Variants in TSPEAR observed in about 807,000 individuals in gnomAD.
TSPEAR encodes the protein thrombospondin-type laminin G domain and EAR repeat-containing protein.
A neutral mutation model predicts 71.6 loss-of-function variants in TSPEAR; 69 were observed. That is an observed-to-expected ratio of 0.96 (90% CI 0.79 to 1.18). The LOEUF (loss-of-function observed/expected upper bound fraction) is 1.18. Ranked by LOEUF, TSPEAR falls within the 50% of genes most tolerant of loss-of-function variation. The pLI, the probability that TSPEAR is intolerant of heterozygous loss-of-function variation, is 0.00. For missense variants in TSPEAR, 971 were observed against 894.9 expected, an observed-to-expected ratio of 1.09 and a Z score of -1.09; for synonymous variants, 402 against 387.2, an observed-to-expected ratio of 1.04 and a Z score of -0.45.
At chr21:44,565,895 TACA>T (rs1235718112) in intron 2 of TSPEAR, among the ~76,000 whole-genome samples, 8 of 152,342 alleles carry the variant, frequency 5.3e-5, no homozygotes, top group Non-Finnish European at 1.0e-4. Flanking sequence ...GGTTGCAGGA[TACA>T]ACGTCAACAC....
Position 44,627,194 on chromosome 21 carries a change from T to G in TSPEAR, c.83-59189A>C. The G allele has an allele frequency of 1.2e-6, 2 of 1,612,800 alleles. No individual in the cohort carries two copies. Among genetic ancestry groups the G allele is most frequent in the Non-Finnish European group, 1.7e-6 (2 of 1,179,910 alleles). ...AGCATGGCCGCGTCCACCATGTCCATCCGCTCCAGCGCTTACTCCGACTCC... is the reference window on the plus strand; with the variant it reads ...AGCATGGCCGCGTCCACCATGTCCAGCCGCTCCAGCGCTTACTCCGACTCC... On this transcript the variant is annotated intron_variant, in intron 1 of 11. Coordinates refer to ENST00000323084, the MANE Select transcript of TSPEAR (RefSeq NM_144991.3).
chr21:44,527,151 T>TCA, intron 7 of TSPEAR, 141 bp downstream of exon 7: 1 of 778,752 alleles, frequency 1.3e-6, no homozygotes, highest in Non-Finnish European at 2.1e-6. Context: ...CGTGTGCGAC[T>TCA]CTGTCAGCCT....
intron 1 of TSPEAR, among the ~76,000 whole-genome samples, chr21:44,653,302 T>C (rs1363234552): frequency 6.6e-6 from 1 of 152,172 alleles, no homozygotes; most frequent in Non-Finnish European, 1.5e-5. Flanking sequence ...TTGATGCAGC[T>C]TCTGAGCCAG....
At chr21:44,699,398 A>G (rs1312741949) in intron 1 of TSPEAR, among the ~76,000 whole-genome samples, 2 of 147,096 alleles carry the variant, frequency 1.4e-5, no homozygotes, top group African/African-American at 5.1e-5. Flanking sequence ...AAAAAAAAAA[A>G]GGGTTGGGGA....
At chr21:44,686,773 C>T (rs1357098858) in intron 1 of TSPEAR, 4 of 152,264 alleles carry the variant, frequency 2.6e-5, no homozygotes, top group African/African-American at 9.7e-5. Flanking sequence ...TGGAATTTCC[C>T]CTGAACGTTC....
At chr21:44,615,627 T>TC (rs1168177939) in intron 1 of TSPEAR, among the ~76,000 whole-genome samples, 1 of 150,236 alleles carries the variant, frequency 6.7e-6, no homozygotes, top group African/African-American at 2.4e-5. Flanking sequence ...TGGCGGCACC[T>TC]CCCCCGGGTC....
At chr21:44,646,136 A>AAAAT in intron 1 of TSPEAR, among the ~76,000 whole-genome samples, 1 of 141,808 alleles carries the variant, frequency 7.1e-6, no homozygotes, top group Non-Finnish European at 1.5e-5. Flanking sequence ...AAAAAAAAAA[A>AAAAT]AAAAAAAAAA....
In TSPEAR at chr21:44,525,713, C is replaced by G; in HGVS notation, c.1276G>C (p.Asp426His). The change falls in exon 8 of 12, where the codon GAC becomes CAC. Residue 426 changes from aspartate (D) to histidine (H), a missense_variant. Coordinates refer to ENST00000323084, the MANE Select transcript of TSPEAR (RefSeq NM_144991.3). ...YQSIATHSARDWEAFEVDGEH... is the reference protein window; with the variant it reads ...YQSIATHSARHWEAFEVDGEH... ...CCATCCACCTCGAAGGCCTCCCAGTCTCGGGCGCTGTGTGTGGCAATGCTC... is the reference window on the plus strand; with the variant it reads ...CCATCCACCTCGAAGGCCTCCCAGTGTCGGGCGCTGTGTGTGGCAATGCTC... 6.2e-7 allele frequency: 1 copy of G among 1,614,208 alleles called. No individual in the cohort carries two copies. Among genetic ancestry groups the G allele is most frequent in the Non-Finnish European group, 8.5e-7 (1 of 1,180,048 alleles).
chr21:44,528,600 G>T lies in TSPEAR; in HGVS notation c.791-17C>A. 2 of 1,612,684 alleles carry T rather than the reference G, an allele frequency of 1.2e-6. No individual in the cohort carries two copies. Among genetic ancestry groups the T allele is most frequent in the Non-Finnish European group, 1.7e-6 (2 of 1,179,418 alleles). ...TGTTGGTTTCTGAGGGGAAGACCAG[G>T]AAGATGAGTTTCCAGCAAGCCAGTG... On this transcript the variant is annotated splice_polypyrimidine_tract_variant and intron_variant, in intron 5 of 11. Coordinates refer to ENST00000323084, the MANE Select transcript of TSPEAR (RefSeq NM_144991.3).
intron 1 of TSPEAR, among the ~76,000 whole-genome samples, chr21:44,583,949 C>T (rs1344307287): frequency 3.3e-5 from 5 of 152,190 alleles, no homozygotes; most frequent in Admixed American, 2.6e-4. Context: ...CCGTGCTGCA[C>T]ATGAGGTTTC....
intron 1 of TSPEAR, among the ~76,000 whole-genome samples, chr21:44,616,489 T>C (rs587668297): frequency 6.6e-6 from 1 of 151,492 alleles, no homozygotes; most frequent in Non-Finnish European, 1.5e-5. Context: ...CCGACCCTGG[T>C]TCCCCAGTCC....
At chr21:44,533,057 C>T (rs1302269124) in intron 3 of TSPEAR, among the ~76,000 whole-genome samples, 29 of 152,372 alleles carry the variant, frequency 1.9e-4, no homozygotes, top group Non-Finnish European at 5.9e-5. Flanking sequence ...GTCCCCTGAG[C>T]TACTTCTGGA....
rs144350697 is a variant in TSPEAR, at chr21:44,567,009, T to C, written c.303+776A>G. On this transcript the variant is annotated intron_variant, in intron 2 of 11. Transcript: ENST00000323084. The stretch of plus-strand genomic sequence containing the variant: ...CAACAAAATAAAAAAAATAGATAAA[T>C]TGAACATCATCATGGTTTAAACATT... Among the ~76,000 whole-genome samples the C allele has an allele frequency of 5.1e-3, 777 of 152,256 alleles. 7 individuals carry two copies. The highest frequency in any genetic ancestry group is 0.018 in the African/African-American group (746 of 41,536).
chr21:44,551,152 C>T lies in TSPEAR; in HGVS notation c.303+16633G>A, dbSNP rs782417897. ...ACACAGCACACAGGCTTGCAGCAGA[C>T]GGGCACGCAGCAGGCCTGCTGGCAG... is the stretch of plus-strand genomic sequence containing the variant. On this transcript the variant is annotated intron_variant, in intron 2 of 11. Transcript: ENST00000323084. 1.1e-4 allele frequency: 177 copies of T among 1,559,612 alleles called. No homozygotes were observed. Among genetic ancestry groups the T allele is most frequent in the South Asian group, 3.2e-4 (28 of 87,844 alleles).
rs368538502 is a variant in TSPEAR at position 44,601,188 on chromosome 21, G to A, written c.83-33183C>T. The A allele has an allele frequency of 1.1e-3, 1,704 of 1,602,098 alleles. 3 individuals carry two copies. The highest frequency in any genetic ancestry group is 1.9e-3 in the Admixed American group (110 of 57,826). On this transcript the variant is annotated intron_variant, in intron 1 of 11. Transcript: ENST00000323084. Reference sequence around the variant, plus strand: ...GTGTGTCCAGTCCCTGCTGCCAGGCGGTCTGTGAGCCCAGCCCCTGCCAAT... The same window carrying A: ...GTGTGTCCAGTCCCTGCTGCCAGGCAGTCTGTGAGCCCAGCCCCTGCCAAT...
At chr21:44,568,030 G>T (rs374304575) in intron 1 of TSPEAR, 25 bp from the exon 2 acceptor site, 93 of 1,493,944 alleles carry the variant, frequency 6.2e-5, no homozygotes, top group Non-Finnish European at 7.1e-5. Flanking sequence ...TCACAGGTGG[G>T]TTAGGCCAGG....
At position 44,517,816 on chromosome 21, in the gene TSPEAR, G is replaced by A. The variant is rs747679393; in HGVS notation, c.1566+4067C>T. ...CCGATGGGAAATCCCAGGCTGCCGC[G>A]GCTCCTGTGTGCTTTGAAGGTAACT... On this transcript the variant is annotated intron_variant, in intron 9 of 11. Coordinates refer to ENST00000323084, the MANE Select transcript of TSPEAR (RefSeq NM_144991.3). The A allele has an allele frequency of 4.5e-5, 21 of 471,128 alleles. 1 individual carries two copies. The highest frequency in any genetic ancestry group is 1.4e-4 in the South Asian group (9 of 64,580). 29.2% of individuals were successfully genotyped at this position (471,128 alleles called of 1,614,324 possible). A position where few individuals can be genotyped will look rare whatever the true frequency, so the allele number is the denominator to read the frequency against.
At chr21:44,684,404 T>C (rs1986760561) in intron 1 of TSPEAR, among the ~76,000 whole-genome samples, 1 of 152,164 alleles carries the variant, frequency 6.6e-6, no homozygotes, top group African/African-American at 2.4e-5. Context: ...GGTGGCGGTG[T>C]GCACCTGTAG....
intron 1 of TSPEAR, among the ~76,000 whole-genome samples, chr21:44,685,129 T>C (rs1422482269): frequency 1.3e-5 from 2 of 152,076 alleles, no homozygotes; most frequent in African/African-American, 2.4e-5. Context: ...TAACATGGTG[T>C]CTGACTTGTC....
Sources: gnomAD v4.1 joint callset for allele counts (sites outside exome capture counted in the v4.1 genomes callset) on GRCh38, gnomAD v4.1.1 for gene constraint, MANE v1.5 for transcripts, NCBI Gene and HGNC (gene_info 2026-07-23, HGNC 2026-07-21) for gene names.